BMPR1B: variants seen among roughly 807,000 people sequenced by gnomAD.
BMPR1B encodes bone morphogenetic protein receptor type-1B.
BMPR1B carries 12 observed loss-of-function variants against 59.1 expected under a neutral mutation model. The ratio of observed to expected loss-of-function variants is 0.20; its 90% CI spans 0.13 to 0.33. BMPR1B has a LOEUF of 0.33. Ranked by LOEUF, BMPR1B falls within the 10% of genes least tolerant of loss-of-function variation. The pLI is 1.00. For missense variants in BMPR1B, 550 were observed against 610.9 expected (o/e 0.90, Z 1.05); for synonymous variants, 237 against 207.3 (o/e 1.14, Z -1.23).
At chr4:94,803,902 A>G (rs1057205043) in intron 1 of BMPR1B, among the ~76,000 whole-genome samples, 5 of 152,134 alleles carry the variant, frequency 3.3e-5, no homozygotes, top group African/African-American at 7.2e-5. Context: ...TTTTTGAGAT[A>G]GAGTCTTGCT....
intron 1 of BMPR1B, among the ~76,000 whole-genome samples, chr4:94,857,997 G>C (rs1725830467): frequency 6.6e-6 from 1 of 152,128 alleles, no homozygotes; most frequent in African/African-American, 2.4e-5. Context: ...CCAGGCTGGA[G>C]TGCAGTGGCG....
intron 2 of BMPR1B, among the ~76,000 whole-genome samples, chr4:94,937,501 AT>A (rs998356077): frequency 4.6e-5 from 7 of 152,196 alleles, no homozygotes; most frequent in African/African-American, 1.7e-4. Context: ...CATTGAATAA[AT>A]AAACTGACTC....
At chr4:94,768,985 A>G (rs1037244224) in intron 1 of BMPR1B, among the ~76,000 whole-genome samples, 1 of 152,154 alleles carries the variant, frequency 6.6e-6, no homozygotes, top group Non-Finnish European at 1.5e-5. Flanking sequence ...GGTTTTCATC[A>G]ACACCTTTCT....
chr4:95,008,137 C>G (rs1722978013), intron 3 of BMPR1B, among the ~76,000 whole-genome samples: 1 of 151,932 alleles, frequency 6.6e-6, no homozygotes, highest in Admixed American at 6.6e-5. Context: ...GTTGGTATGT[C>G]AGTAAAGAGT....
intron 1 of BMPR1B, among the ~76,000 whole-genome samples, chr4:94,849,172 G>A (rs1017393710): frequency 2.0e-5 from 3 of 152,218 alleles, no homozygotes; most frequent in African/African-American, 7.2e-5. Flanking sequence ...AGGTTTGGAA[G>A]TTGGGGTAAT....
chr4:94,871,245 C>T (rs1045524689), intron 1 of BMPR1B, among the ~76,000 whole-genome samples: 72 of 152,194 alleles, frequency 4.7e-4, no homozygotes, highest in African/African-American at 1.6e-3. Context: ...TGTAAAGTAC[C>T]GTGTGCTTAT....
intron 2 of BMPR1B, among the ~76,000 whole-genome samples, chr4:94,930,799 T>C (rs993085336): frequency 5.9e-5 from 9 of 152,160 alleles, no homozygotes; most frequent in East Asian, 5.8e-4. Flanking sequence ...TGAAGATATA[T>C]CATAGAAATA....
rs1215939344 is a variant in BMPR1B at position 94,770,182 on chromosome 4, G to GTT, written c.-183+12116_-183+12117dup. 3.7e-3 allele frequency among the ~76,000 whole-genome samples: 148 copies of GTT among 39,940 alleles called. 5 individuals carry two copies. Among genetic ancestry groups the GTT allele is most frequent in the Non-Finnish European group, 4.7e-3 (96 of 20,514 alleles). The allele number at this position is 39,940 out of a possible 152,430, so 26.2% of individuals were successfully genotyped here. A position where few individuals can be genotyped will look rare whatever the true frequency, so the allele number is the denominator to read the frequency against. On this transcript the variant is annotated intron_variant, in intron 1 of 12. Coordinates refer to ENST00000515059, the MANE Select transcript of BMPR1B (RefSeq NM_001203.3). Reference sequence around the variant, plus strand: ...TGTTTGAATTGTCCTTCGTTTCTGTGTTTGTTTTTTTTTTTTTTTTTTGCG... The same window carrying GTT: ...TGTTTGAATTGTCCTTCGTTTCTGTGTTTTTGTTTTTTTTTTTTTTTTTTGCG...
chr4:94,780,213 C>G (rs530897579), intron 1 of BMPR1B, among the ~76,000 whole-genome samples: 40 of 152,218 alleles, frequency 2.6e-4, no homozygotes, highest in African/African-American at 8.4e-4. Context: ...AGCCACTAAT[C>G]TAGTTTCTGT....
chr4:94,884,248 G>T (rs1727086008), intron 2 of BMPR1B, among the ~76,000 whole-genome samples: 1 of 152,128 alleles, frequency 6.6e-6, no homozygotes, highest in African/African-American at 2.4e-5. Context: ...GACCTCGGCT[G>T]GGCGTGGTGG....
intron 3 of BMPR1B, among the ~76,000 whole-genome samples, chr4:95,048,084 T>C (rs2149182881): frequency 6.6e-6 from 1 of 152,306 alleles, no homozygotes; most frequent in South Asian, 2.1e-4. Flanking sequence ...GTTAATCTGC[T>C]TAGGATAATG....
At chr4:94,934,272 A>G (rs1048167463) in intron 2 of BMPR1B, among the ~76,000 whole-genome samples, 3 of 152,098 alleles carry the variant, frequency 2.0e-5, no homozygotes, top group African/African-American at 7.2e-5. Context: ...TTGATTTTGT[A>G]GAGTGTTAAA....
At chr4:94,819,829 A>C (rs1724141580) in intron 1 of BMPR1B, among the ~76,000 whole-genome samples, 1 of 152,224 alleles carries the variant, frequency 6.6e-6, no homozygotes, top group Non-Finnish European at 1.5e-5. Flanking sequence ...CACAGTTGGT[A>C]GTACCTTCGT....
chr4:94,821,837 T>G (rs757697291), intron 1 of BMPR1B, among the ~76,000 whole-genome samples: 1 of 152,204 alleles, frequency 6.6e-6, no homozygotes, highest in African/African-American at 2.4e-5. Flanking sequence ...TAAATTCATG[T>G]CTTGTGTGTC....
At chr4:94,970,601 C>T (rs1270150174) in intron 2 of BMPR1B, among the ~76,000 whole-genome samples, 3 of 152,126 alleles carry the variant, frequency 2.0e-5, no homozygotes, top group Non-Finnish European at 4.4e-5. Context: ...GCATGAACCA[C>T]CACACCCGGC....
chr4:94,806,033 A>G lies in BMPR1B; in HGVS notation c.-183+47965A>G, dbSNP rs914730454. Among the ~76,000 whole-genome samples the G allele has an allele frequency of 3.9e-5, 6 of 152,210 alleles. No individual in the cohort carries two copies. The East Asian group carries it at 9.6e-4, about 24-fold the overall frequency. ...ATTACCTGGATATTAGCAGCAAACC[A>G]TATATATTGGAATCCAGTGCAATAT... is the stretch of plus-strand genomic sequence containing the variant. On this transcript the variant is annotated intron_variant, in intron 1 of 12. Coordinates refer to ENST00000515059, the MANE Select transcript of BMPR1B (RefSeq NM_001203.3).
At chr4:94,807,531 A>G (rs1723650267) in intron 1 of BMPR1B, among the ~76,000 whole-genome samples, 1 of 152,190 alleles carries the variant, frequency 6.6e-6, no homozygotes, top group Non-Finnish European at 1.5e-5. Flanking sequence ...AAGTAGTGAA[A>G]TATGGTTATA....
At chr4:94,837,863 T>C (rs1328198048) in intron 1 of BMPR1B, among the ~76,000 whole-genome samples, 1 of 143,410 alleles carries the variant, frequency 7.0e-6, no homozygotes, top group Non-Finnish European at 1.5e-5. Context: ...GCTTCCAGTT[T>C]TTGCCCATTG....
intron 3 of BMPR1B, among the ~76,000 whole-genome samples, chr4:95,059,071 T>G (rs1239582192): frequency 6.6e-6 from 1 of 152,158 alleles, no homozygotes; most frequent in Non-Finnish European, 1.5e-5. Flanking sequence ...CTGATTTGAG[T>G]GAGGAAATGT....
Sources: allele counts gnomAD v4.1 joint callset (sites outside exome capture counted in the v4.1 genomes callset), GRCh38; gene constraint gnomAD v4.1.1; transcripts MANE v1.5; gene names NCBI Gene and HGNC (gene_info 2026-07-23, HGNC 2026-07-21).